Variants in EPHA6 observed in about 807,000 individuals in gnomAD.
EPHA6 encodes EPH receptor A6.
EPHA6 carries 50 observed loss-of-function variants against 112.0 expected under a neutral mutation model. The ratio of observed to expected loss-of-function variants is 0.45; its 90% CI spans 0.36 to 0.56. The LOEUF is 0.56. Ranked by LOEUF, EPHA6 falls within the 20% of genes least tolerant of loss-of-function variation. The probability of loss-of-function intolerance (pLI) is 0.00; values close to 1 mark genes in which losing one functional copy is unlikely to be tolerated. For synonymous variants in EPHA6, 529 were observed against 490.7 expected, an observed-to-expected ratio of 1.08 and a Z score of -1.03; for missense variants, 1,280 against 1,417.4, an observed-to-expected ratio of 0.90 and a Z score of 1.56.
In EPHA6 at chr3:97,694,820, G is replaced by T. The variant is rs547035829; in HGVS notation, c.2785-25441G>T. On this transcript the variant is annotated intron_variant, in intron 14 of 17. Coordinates refer to ENST00000389672, the MANE Select transcript of EPHA6 (RefSeq NM_001080448.3). ...TGGAACTAAAATTGAACTTTAAGAA[G>T]CTATTCTATAACCAAGACATAGATA... Among the ~76,000 whole-genome samples the T allele has an allele frequency of 7.9e-5, 12 of 152,204 alleles. No homozygotes were observed. The South Asian group carries it at 2.1e-3, about 26-fold the overall frequency.
chr3:96,869,858 T>G (rs1166506761), intron 2 of EPHA6, among the ~76,000 whole-genome samples: 1 of 152,050 alleles, frequency 6.6e-6, no homozygotes, highest in Non-Finnish European at 1.5e-5. Flanking sequence ...TACATCACAT[T>G]TTATTTTAAT....
At chr3:97,619,875 A>G (rs2093799569) in intron 13 of EPHA6, among the ~76,000 whole-genome samples, 1 of 152,008 alleles carries the variant, frequency 6.6e-6, no homozygotes, top group East Asian at 1.9e-4. Flanking sequence ...CTATTTCCAT[A>G]AAACTACCAT....
chr3:97,515,477 A>G (rs940490681), intron 10 of EPHA6, among the ~76,000 whole-genome samples: 1 of 152,200 alleles, frequency 6.6e-6, no homozygotes, highest in Non-Finnish European at 1.5e-5. Flanking sequence ...TTCTAACAGG[A>G]TTCTTCTGAT....
chr3:97,349,326 T>A (rs2083687768), intron 5 of EPHA6, among the ~76,000 whole-genome samples: 1 of 152,074 alleles, frequency 6.6e-6, no homozygotes, highest in Non-Finnish European at 1.5e-5. Flanking sequence ...TTCAGGCTTT[T>A]GGGTACAGCC....
intron 4 of EPHA6, among the ~76,000 whole-genome samples, chr3:97,232,459 A>G (rs894000698): frequency 5.3e-5 from 8 of 152,148 alleles, no homozygotes; most frequent in Admixed American, 4.6e-4. Flanking sequence ...CAAACTAAAA[A>G]CAATAATGAT....
chr3:97,636,499 A>C (rs138586816), intron 13 of EPHA6, among the ~76,000 whole-genome samples: 65 of 152,244 alleles, frequency 4.3e-4, no homozygotes, highest in African/African-American at 1.3e-3. Flanking sequence ...TCTTGCTCTA[A>C]GAGTGTTTTT....
intron 6 of EPHA6, among the ~76,000 whole-genome samples, chr3:97,423,696 C>G (rs2088865971): frequency 6.6e-6 from 1 of 152,128 alleles, no homozygotes; most frequent in African/African-American, 2.4e-5. Flanking sequence ...ATAGCCATAG[C>G]TATTCTAATC....
At chr3:97,474,538 T>C (rs542226793) in intron 7 of EPHA6, among the ~76,000 whole-genome samples, 7 of 152,074 alleles carry the variant, frequency 4.6e-5, no homozygotes, top group African/African-American at 1.7e-4. Context: ...TTCTGTTTTC[T>C]TACCTCTATT....
intron 2 of EPHA6, among the ~76,000 whole-genome samples, chr3:96,971,803 G>T (rs894114050): frequency 2.6e-4 from 40 of 152,058 alleles, no homozygotes; most frequent in African/African-American, 8.0e-4. Flanking sequence ...GGGCCATTTT[G>T]CAACTTTTCA....
At chr3:96,882,137 G>A (rs2037350392) in intron 2 of EPHA6, among the ~76,000 whole-genome samples, 1 of 152,134 alleles carries the variant, frequency 6.6e-6, no homozygotes, top group Non-Finnish European at 1.5e-5. Context: ...ATTAGGCAGT[G>A]CCCCTGTAGG....
rs879694328 is a variant in EPHA6 at position 96,958,478 on chromosome 3, G to C, written c.451-28852G>C. 3.3e-5 allele frequency among the ~76,000 whole-genome samples: 5 copies of C among 152,182 alleles called. No homozygotes were observed. The East Asian group carries it at 9.6e-4, about 29-fold the overall frequency. On this transcript the variant is annotated intron_variant, in intron 2 of 17. Transcript: ENST00000389672. ...ATATTGCATGTAAATCTCTAGTACA[G>C]TGGTTTTATTCATTCAATAAATACT...
chr3:97,531,455 G>A (rs902193657), intron 10 of EPHA6, among the ~76,000 whole-genome samples: 2 of 151,862 alleles, frequency 1.3e-5, no homozygotes, highest in African/African-American at 4.8e-5. Context: ...TATGCACACT[G>A]TCTTGAATGT....
At chr3:97,276,360 T>A (rs988077350) in intron 5 of EPHA6, among the ~76,000 whole-genome samples, 1 of 151,646 alleles carries the variant, frequency 6.6e-6, no homozygotes, top group South Asian at 2.1e-4. Flanking sequence ...TTCAGTGGGG[T>A]CCCGCACAGA....
chr3:97,707,714 TC>T (rs774580095), intron 14 of EPHA6, among the ~76,000 whole-genome samples: 4 of 152,164 alleles, frequency 2.6e-5, no homozygotes, highest in Non-Finnish European at 5.9e-5. Context: ...CCAATTGTTA[TC>T]CCCACACGTC....
intron 5 of EPHA6, among the ~76,000 whole-genome samples, chr3:97,338,672 G>A (rs2083168207): frequency 6.6e-6 from 1 of 152,124 alleles, no homozygotes; most frequent in African/African-American, 2.4e-5. Flanking sequence ...ATTGAGATAT[G>A]TCACTTGCCC....
intron 2 of EPHA6, among the ~76,000 whole-genome samples, chr3:96,979,594 T>C (rs963748922): frequency 2.6e-5 from 4 of 152,176 alleles, no homozygotes; most frequent in Non-Finnish European, 5.9e-5. Context: ...TTAAATGGTA[T>C]TTCTATTTCT....
intron 3 of EPHA6, among the ~76,000 whole-genome samples, chr3:97,066,068 T>C (rs1319186037): frequency 6.6e-6 from 1 of 152,102 alleles, no homozygotes; most frequent in Non-Finnish European, 1.5e-5. Flanking sequence ...GGGTGTTCAA[T>C]AAATATTTGT....
intron 3 of EPHA6, among the ~76,000 whole-genome samples, chr3:97,039,593 G>A (rs1303359818): frequency 3.3e-5 from 5 of 151,978 alleles, no homozygotes; most frequent in African/African-American, 1.2e-4. Context: ...AGTATATGTA[G>A]TTTTGTTTTA....
chr3:96,952,850 CCA>C (rs2041605662), intron 2 of EPHA6, among the ~76,000 whole-genome samples: 1 of 151,860 alleles, frequency 6.6e-6, no homozygotes, highest in African/African-American at 2.4e-5. Context: ...CTGTAGTATG[CCA>C]CAGTGTCTGT....
Sources: allele counts gnomAD v4.1 joint callset (sites outside exome capture counted in the v4.1 genomes callset), GRCh38; gene constraint gnomAD v4.1.1; transcripts MANE v1.5; gene names NCBI Gene and HGNC (gene_info 2026-07-23, HGNC 2026-07-21).